SLC3A2: variants seen among roughly 807,000 people sequenced by gnomAD.
SLC3A2 encodes the protein amino acid transporter heavy chain SLC3A2.
A neutral mutation model predicts 48.5 loss-of-function variants in SLC3A2; 32 were observed. The observed-to-expected ratio is 0.66, with a 90% CI of 0.50 to 0.89. SLC3A2 has a LOEUF of 0.89. Ranked by LOEUF, SLC3A2 falls within the 40% of genes least tolerant of loss-of-function variation. The pLI is 0.00. For synonymous variants in SLC3A2, 277 were observed against 288.8 expected (o/e 0.96, Z 0.41); for missense variants, 587 against 680.7 (o/e 0.86, Z 1.53).
chr11:62,865,865 T>C (rs1364877186), intron 1 of SLC3A2, among the ~76,000 whole-genome samples: 3 of 152,252 alleles, frequency 2.0e-5, no homozygotes, highest in South Asian at 4.2e-4. Context: ...CCAGCCTCTG[T>C]TACGTGTTGG....
upstream of SLC3A2, chr11:62,880,668 A>T (rs780398014): frequency 7.1e-5 from 16 of 224,226 alleles, no homozygotes; most frequent in Non-Finnish European, 1.2e-4. Context: ...GTCCACTTAA[A>T]GGTGGCTCCG....
intron 1 of SLC3A2, among the ~76,000 whole-genome samples, chr11:62,871,906 T>TA (rs2085521449): frequency 6.6e-6 from 1 of 151,444 alleles, no homozygotes; most frequent in African/African-American, 2.4e-5. Flanking sequence ...AAATCTTTAT[T>TA]TTATTATTAT....
intron 1 of SLC3A2, among the ~76,000 whole-genome samples, chr11:62,873,896 G>A (rs773738814): frequency 1.4e-5 from 2 of 146,036 alleles, no homozygotes; most frequent in African/African-American, 2.5e-5. Flanking sequence ...TCAACCTCCT[G>A]GGCTCAAGTG....
Position 62,874,766 on chromosome 11 carries a change from CTTTTTCTTTTTTT to C in SLC3A2, c.113-6247_113-6235del, listed in dbSNP as rs2134996395. Among the ~76,000 whole-genome samples, 2 of 150,666 alleles carry C rather than the reference CTTTTTCTTTTTTT, an allele frequency of 1.3e-5. 1 individual carries two copies. Among genetic ancestry groups the C allele is most frequent in the South Asian group, 4.2e-4 (2 of 4,770 alleles). ...AATTCCTCACCCATCTTTCCTTTTT[CTTTTTCTTTTTTT>C]TTTTTTTGGAGACAGAGTCTTGCTC... On this transcript the variant is annotated intron_variant, in intron 1 of 9. Transcript: ENST00000377889.
intron 1 of SLC3A2, among the ~76,000 whole-genome samples, chr11:62,859,692 A>G (rs1178655457): frequency 6.6e-6 from 1 of 152,154 alleles, no homozygotes; most frequent in African/African-American, 2.4e-5. Flanking sequence ...AGTCTCAAAA[A>G]CAAACAAAAA....
At position 62,888,328 on chromosome 11, in the gene SLC3A2, T is replaced by C; in HGVS notation, c.1228-3T>C. ...GCTTCTGCTATGTTTTTATCATTCT[T>C]AGGGCCAGAGTGAAGACCCTGGCTC... On this transcript the variant is annotated splice_region_variant and splice_polypyrimidine_tract_variant and intron_variant, in intron 8 of 8. Coordinates refer to ENST00000338663, the MANE Select transcript of SLC3A2 (RefSeq NM_001013251.3). 6.2e-7 allele frequency: 1 copy of C among 1,613,140 alleles called. No homozygotes were observed. Among genetic ancestry groups the C allele is most frequent in the Non-Finnish European group, 8.5e-7 (1 of 1,179,368 alleles).
At position 62,884,226 on chromosome 11, in the gene SLC3A2, C is replaced by T. The variant is rs1003645178; in HGVS notation, c.691-231C>T. On this transcript the variant is annotated intron_variant, in intron 3 of 8. Coordinates refer to ENST00000338663, the MANE Select transcript of SLC3A2 (RefSeq NM_001013251.3). ...TTGAAGCTGTGTGATTTGCCAGAGG[C>T]AAGAATGAGAAGTAAAATGCTGTAG... The T allele has an allele frequency of 1.7e-5, 10 of 601,150 alleles. No individual in the cohort carries two copies. In the Admixed American group the frequency reaches 2.6e-4, roughly 15 times the overall value. The allele number at this position is 601,150 out of a possible 1,614,324, so 37.2% of individuals were successfully genotyped here. A position where few individuals can be genotyped will look rare whatever the true frequency, so the allele number is the denominator to read the frequency against.
intron 7 of SLC3A2, 90 bp downstream of exon 7, chr11:62,885,698 TG>T (rs1767645815): frequency 1.4e-6 from 2 of 1,454,490 alleles, no homozygotes; most frequent in South Asian, 2.5e-5. Context: ...ACGTGAGCCT[TG>T]GGGTGAAAAC....
rs1472141478 is a variant in SLC3A2, at chr11:62,885,416, CAG to C, written c.1000-46_1000-45del. 6 of 1,613,678 alleles carry C rather than the reference CAG, an allele frequency of 3.7e-6. No homozygotes were observed. In the African/African-American group the frequency reaches 4.0e-5, roughly 11 times the overall value. On this transcript the variant is annotated intron_variant, in intron 6 of 8. Transcript: ENST00000338663. ...GGGAGAAGAAAGGGTTGTTGGGAGA[CAG>C]AGGCAGAGGTGGGTTATGGGGCTCA... is the stretch of plus-strand genomic sequence containing the variant.
chr11:62,864,506 G>A (rs1191375861), intron 1 of SLC3A2, among the ~76,000 whole-genome samples: 2 of 151,958 alleles, frequency 1.3e-5, no homozygotes, highest in South Asian at 2.1e-4. Context: ...TCGCTCTGTC[G>A]CCCAGGCTGG....
intron 1 of SLC3A2, among the ~76,000 whole-genome samples, chr11:62,859,942 T>C (rs550550578): frequency 8.5e-5 from 13 of 152,226 alleles, no homozygotes; most frequent in Admixed American, 7.2e-4. Flanking sequence ...GGAAGAAAAG[T>C]GGACCCGGGG....
In SLC3A2 at chr11:62,881,458, C is replaced by G; in HGVS notation, c.424+11C>G. 6.4e-7 allele frequency: 1 copy of G among 1,567,592 alleles called. No individual in the cohort carries two copies. The highest frequency in any genetic ancestry group is 8.6e-7 in the Non-Finnish European group (1 of 1,164,922). On this transcript the variant is annotated intron_variant, in intron 1 of 8. Transcript: ENST00000338663. The surrounding 1 kb of genome is among the most constrained non-coding windows in gnomAD (Gnocchi z 4.0). ...CGGGCAACCTGGCGGGTGAGTGCAGCGCGCCCCCGTCCCGGGTACCTCCGG... is the reference window on the plus strand; with the variant it reads ...CGGGCAACCTGGCGGGTGAGTGCAGGGCGCCCCCGTCCCGGGTACCTCCGG...
chr11:62,862,333 CAAAAAAAAAAA>C (rs71065311), intron 1 of SLC3A2, among the ~76,000 whole-genome samples: 1 of 55,910 alleles, frequency 1.8e-5, no homozygotes, highest in Non-Finnish European at 2.9e-5. Context: ...GACTCTGTCT[CAAAAAAAAAAA>C]AAAAAAAAAA....
At position 62,881,968 on chromosome 11, in the gene SLC3A2, A is replaced by G; in HGVS notation, c.500A>G (p.Gln167Arg). Residue 167 changes from glutamine to arginine, a missense_variant, in exon 2 of 9, where the codon CAG becomes CGG. Physicochemically the swap from Gln to Arg is conservative, Grantham distance 43. This residue lies in a region of SLC3A2 where 409 missense variants were observed against 446.7 expected (regional missense o/e 0.92). Coordinates refer to ENST00000338663, the MANE Select transcript of SLC3A2 (RefSeq NM_001013251.3). The surrounding 1 kb of genome is among the most constrained non-coding windows in gnomAD (Gnocchi z 4.0). ...GLVLGPIHKN[Q>R]KDDVAQTDLL... Reference sequence around the variant, plus strand: ...GTGCTGGGTCCAATTCACAAGAACCAGAAGGATGATGTCGCTCAGACTGAC... The same window carrying G: ...GTGCTGGGTCCAATTCACAAGAACCGGAAGGATGATGTCGCTCAGACTGAC... The G allele has an allele frequency of 2.5e-6, 4 of 1,614,230 alleles. No homozygotes were observed. Among genetic ancestry groups the G allele is most frequent in the South Asian group, 1.1e-5 (1 of 91,084 alleles).
chr11:62,885,094 G>T, intron 5 of SLC3A2, 83 bp from the exon 6 acceptor site: 1 of 1,459,650 alleles, frequency 6.9e-7, no homozygotes. Context: ...GCCTCCCAAA[G>T]TGTTGGGATT....
chr11:62,881,793 C>A lies in SLC3A2; in HGVS notation c.425-100C>A. The A allele has an allele frequency of 7.2e-7, 1 of 1,383,204 alleles. No individual in the cohort carries two copies. The allele number at this position is 1,383,204 out of a possible 1,614,324, so 85.7% of individuals were successfully genotyped here. ...CCTTGCCTCCCTCTCTCCCCCTTTG[C>A]CCCCTCCCCGTCCCACCCTTAGGCG... On this transcript the variant is annotated intron_variant, in intron 1 of 8. Transcript: ENST00000338663. The surrounding 1 kb of genome is among the most constrained non-coding windows in gnomAD (Gnocchi z 4.0).
chr11:62,866,814 C>G (rs2085457385), intron 1 of SLC3A2, among the ~76,000 whole-genome samples: 1 of 152,172 alleles, frequency 6.6e-6, no homozygotes. Flanking sequence ...TGAATAAAAA[C>G]TTAAACTTGC....
intron 1 of SLC3A2, among the ~76,000 whole-genome samples, chr11:62,872,118 T>C (rs538924839): frequency 1.3e-5 from 2 of 152,322 alleles, no homozygotes; most frequent in African/African-American, 4.8e-5. Flanking sequence ...GGTTTCACCA[T>C]GTTAGCCAGG....
chr11:62,860,576 A>G (rs920729384), intron 1 of SLC3A2, among the ~76,000 whole-genome samples: 1 of 152,124 alleles, frequency 6.6e-6, no homozygotes, highest in Admixed American at 6.6e-5. Flanking sequence ...TTCCATTCCC[A>G]GGGACTAGCA....
Sources: allele counts gnomAD v4.1 joint callset (sites outside exome capture counted in the v4.1 genomes callset), GRCh38; gene constraint gnomAD v4.1.1; regional missense constraint gnomAD v4.1.1; non-coding constraint Gnocchi (gnomAD v3.1); transcripts MANE v1.5; gene names NCBI Gene and HGNC (gene_info 2026-07-23, HGNC 2026-07-21).